The following FHOD3 variants were observed in gnomAD, a reference collection of about 807,000 sequenced individuals.
FHOD3 encodes the protein FH1/FH2 domain-containing protein 3.
FHOD3 carries 90 observed loss-of-function variants against 173.0 expected under a neutral mutation model. The ratio of observed to expected loss-of-function variants is 0.52; its 90% CI spans 0.44 to 0.62. The LOEUF (loss-of-function observed/expected upper bound fraction) is 0.62, where lower values mean the gene tolerates loss of function less well. FHOD3 is among the 20% of genes least tolerant of loss of function. FHOD3 has a pLI of 0.00. For missense variants in FHOD3, 1,945 were observed against 2,034.7 expected, an observed-to-expected ratio of 0.96 and a Z score of 0.85; for synonymous variants, 828 against 823.0, an observed-to-expected ratio of 1.01 and a Z score of -0.10.
intron 10 of FHOD3, among the ~76,000 whole-genome samples, chr18:36,648,925 C>T (rs2149074158): frequency 6.6e-6 from 1 of 152,292 alleles, no homozygotes; most frequent in African/African-American, 2.4e-5. Context: ...AGCAGCTGGT[C>T]ATCACCAAAA....
chr18:36,751,743 T>C lies in FHOD3; in HGVS notation c.4233-3376T>C, dbSNP rs567102588. 1.2e-4 allele frequency among the ~76,000 whole-genome samples: 18 copies of C among 152,340 alleles called. No individual in the cohort carries two copies. The East Asian group carries it at 2.1e-3, about 18-fold the overall frequency. ...GTCTATTGAGATAATAATGTGGGTT[T>C]TGTCTTTAATTCTTAAACGTGCATA... On this transcript the variant is annotated intron_variant, in intron 24 of 28. Transcript: ENST00000590592.
chr18:36,756,143 C>G (rs570045926), intron 25 of FHOD3, among the ~76,000 whole-genome samples: 3 of 152,280 alleles, frequency 2.0e-5, no homozygotes, highest in South Asian at 4.1e-4. Flanking sequence ...AAAAACCAGG[C>G]TAGCATCTCA....
chr18:36,310,565 T>A (rs1186533911), intron 1 of FHOD3, among the ~76,000 whole-genome samples: 1 of 151,796 alleles, frequency 6.6e-6, no homozygotes, highest in Admixed American at 6.6e-5. Context: ...TGGGTGCCCG[T>A]AATTCCAATT....
At chr18:36,514,312 A>G (rs1047121599) in intron 5 of FHOD3, among the ~76,000 whole-genome samples, 6 of 152,058 alleles carry the variant, frequency 3.9e-5, no homozygotes, top group Admixed American at 2.6e-4. Flanking sequence ...CCCGGCCTCT[A>G]TTCTTAATAA....
intron 20 of FHOD3, among the ~76,000 whole-genome samples, chr18:36,736,546 T>C (rs891200245): frequency 6.6e-6 from 1 of 152,200 alleles, no homozygotes; most frequent in African/African-American, 2.4e-5. Flanking sequence ...GAAAGTAATC[T>C]TCCCCCAGAG....
At chr18:36,446,468 C>T (rs1241467400) in intron 3 of FHOD3, among the ~76,000 whole-genome samples, 1 of 151,980 alleles carries the variant, frequency 6.6e-6, no homozygotes, top group Admixed American at 6.6e-5. Context: ...AGACTGCTCC[C>T]AGAGAGGTCA....
chr18:36,692,846 G>A (rs61575608), intron 16 of FHOD3: 4,043 of 241,870 alleles, frequency 0.017, 168 homozygotes, highest in African/African-American at 0.084. Context: ...TGTGAGCTCC[G>A]AGGGGGTTTG....
intron 3 of FHOD3, among the ~76,000 whole-genome samples, chr18:36,483,323 C>T (rs577976501): frequency 5.9e-5 from 9 of 152,130 alleles, no homozygotes; most frequent in East Asian, 3.9e-4. Context: ...GACAGATGGA[C>T]GGCAAAGCTC....
At chr18:36,706,469 A>G (rs1276270197) in intron 17 of FHOD3, among the ~76,000 whole-genome samples, 1 of 152,184 alleles carries the variant, frequency 6.6e-6, no homozygotes, top group Admixed American at 6.5e-5. Context: ...GTTAGGCCCT[A>G]GTGTATTGGG....
At chr18:36,504,441 A>G (rs1296765138) in intron 4 of FHOD3, among the ~76,000 whole-genome samples, 2 of 152,216 alleles carry the variant, frequency 1.3e-5, no homozygotes, top group African/African-American at 2.4e-5. Context: ...TGTCCTTTGC[A>G]GGGACCTGGA....
At chr18:36,722,966 C>A (rs2040864331) in intron 19 of FHOD3, among the ~76,000 whole-genome samples, 1 of 151,916 alleles carries the variant, frequency 6.6e-6, no homozygotes, top group Non-Finnish European at 1.5e-5. Flanking sequence ...CTGAATTCTA[C>A]CTAGAAACTC....
At chr18:36,708,919 A>T (rs372321291) in intron 17 of FHOD3, among the ~76,000 whole-genome samples, 176 bp from the exon 18 acceptor site, 9 of 152,274 alleles carry the variant, frequency 5.9e-5, no homozygotes, top group African/African-American at 1.7e-4. Flanking sequence ...TCATCTGCAC[A>T]ATCCCTTCAC....
At chr18:36,679,380 C>T (rs978827577) in intron 14 of FHOD3, among the ~76,000 whole-genome samples, 2 of 151,936 alleles carry the variant, frequency 1.3e-5, no homozygotes, top group African/African-American at 4.8e-5. Flanking sequence ...TTTGTCTATA[C>T]ACCTTCGTTT....
chr18:36,363,899 G>A (rs2046757470), intron 2 of FHOD3, among the ~76,000 whole-genome samples: 1 of 151,642 alleles, frequency 6.6e-6, no homozygotes, highest in African/African-American at 2.4e-5. Flanking sequence ...TGGGTGGGGA[G>A]GGGCAGTGTG....
At chr18:36,680,286 A>T (rs1470735688) in intron 14 of FHOD3, among the ~76,000 whole-genome samples, 1 of 152,188 alleles carries the variant, frequency 6.6e-6, no homozygotes, top group East Asian at 1.9e-4. Context: ...GACTCATGGC[A>T]GTCTGTAATA....
intron 19 of FHOD3, among the ~76,000 whole-genome samples, chr18:36,722,927 A>G (rs145709110): frequency 2.3e-4 from 35 of 152,054 alleles, no homozygotes; most frequent in Admixed American, 7.8e-4. Context: ...TCAGGACATA[A>G]TAAGTTATTT....
chr18:36,771,808 A>T (rs893926846), intron 28 of FHOD3, among the ~76,000 whole-genome samples: 1 of 152,214 alleles, frequency 6.6e-6, no homozygotes, highest in African/African-American at 2.4e-5. Flanking sequence ...GAAGACAGAG[A>T]CGTCCCATTT....
At chr18:36,703,796 G>C (rs992511060) in intron 17 of FHOD3, among the ~76,000 whole-genome samples, 1 of 152,132 alleles carries the variant, frequency 6.6e-6, no homozygotes, top group Non-Finnish European at 1.5e-5. Flanking sequence ...CTCATTTTGC[G>C]ACCTGCATGA....
At chr18:36,654,258 A>AAATGACC (rs1272218546) in intron 13 of FHOD3, among the ~76,000 whole-genome samples, 2 of 152,192 alleles carry the variant, frequency 1.3e-5, no homozygotes, top group African/African-American at 2.4e-5. Flanking sequence ...CATACCATGA[A>AAATGACC]AATGACCAGT....
Sources: gnomAD v4.1 joint callset for allele counts (sites outside exome capture counted in the v4.1 genomes callset) on GRCh38, gnomAD v4.1.1 for gene constraint, MANE v1.5 for transcripts, NCBI Gene and HGNC (gene_info 2026-07-23, HGNC 2026-07-21) for gene names.